The following LITAFD variants were observed in gnomAD, a reference collection of about 807,000 sequenced individuals.
The protein encoded by LITAFD is LITAF domain containing, also known as lITAF domain-containing protein.
intron 1 of LITAFD, among the ~76,000 whole-genome samples, chr16:8,882,967 C>T (rs1159992341): frequency 1.3e-5 from 2 of 152,192 alleles, no homozygotes; most frequent in Non-Finnish European, 2.9e-5. Context: ...TCCCGAGTAG[C>T]TGGGATTACA....
intron 1 of LITAFD, chr16:8,882,753 G>T (rs2061547181): frequency 6.6e-6 from 1 of 152,224 alleles, no homozygotes; most frequent in African/African-American, 2.4e-5. Context: ...GTGTTGCAAG[G>T]AAGTCGCCAA....
intron 1 of LITAFD, chr16:8,882,889 G>A (rs914939733): frequency 6.6e-6 from 1 of 152,244 alleles, no homozygotes; most frequent in Non-Finnish European, 1.5e-5. Context: ...TGGCCATGTT[G>A]GTGTGGAATT....
chr16:8,882,887 TTGG>T (rs2061547890), intron 1 of LITAFD: 1 of 152,216 alleles, frequency 6.6e-6, no homozygotes, highest in South Asian at 2.1e-4. Flanking sequence ...CCTGGCCATG[TTGG>T]TGTGGAATTG....
chr16:8,883,583 G>A (rs770405046), intron 2 of LITAFD, among the ~76,000 whole-genome samples: 23 of 151,932 alleles, frequency 1.5e-4, no homozygotes, highest in African/African-American at 1.7e-4. Flanking sequence ...GTAGACTCCC[G>A]TTCTCTACTC....
At chr16:8,883,216 A>T (rs2061549678) in exon 2 of LITAFD, 1 of 152,188 alleles carries the variant, frequency 6.6e-6, no homozygotes. Context: ...AAAGATCCTT[A>T]TCCTGCTGGT....
Position 8,883,921 on chromosome 16 carries a change from C to T in LITAFD, c.-33-402C>T, listed in dbSNP as rs145195920. 4.7e-4 allele frequency among the ~76,000 whole-genome samples: 71 copies of T among 152,222 alleles called. No individual in the cohort carries two copies. The Middle Eastern group carries it at 0.01, about 22-fold the overall frequency. On this transcript the variant is annotated intron_variant, in intron 2 of 3. Transcript: ENST00000636296. ...CTCTACTAAAAATACAAAAATAAGCCGGGTGTGATGGCACATGTCTATAGT... is the reference window on the plus strand; with the variant it reads ...CTCTACTAAAAATACAAAAATAAGCTGGGTGTGATGGCACATGTCTATAGT...
chr16:8,882,731 C>T (rs17415063), intron 1 of LITAFD: 58,351 of 152,132 alleles, frequency 0.38, 11,458 homozygotes, highest in Middle Eastern at 0.52. Context: ...ACGTGCTGTA[C>T]TCTCCCTTAA....
intron 3 of LITAFD, 171 bp from the exon 4 acceptor site, chr16:8,885,016 T>C (rs1206619256): frequency 2.5e-6 from 1 of 398,828 alleles, no homozygotes. Context: ...GAGGTTGCAG[T>C]GAGCCAAGAT....
chr16:8,885,189 A>G (rs40398), exon 4 of LITAFD: 396,418 of 399,282 alleles, frequency 0.99, 196,849 homozygotes, highest in Middle Eastern at 1. Context: ...GGCTGCAGGT[A>G]CGTCCTGGGC....
intron 2 of LITAFD, 129 bp from the exon 3 acceptor site, chr16:8,884,194 A>C: frequency 2.5e-6 from 1 of 396,542 alleles, no homozygotes. Flanking sequence ...CCCACATATC[A>C]GGTCCCCAGT....
At chr16:8,885,195 T>C (rs919179693) in exon 4 of LITAFD, 26 of 399,294 alleles carry the variant, frequency 6.5e-5, no homozygotes, top group African/African-American at 4.9e-4. Context: ...AGGTACGTCC[T>C]GGGCTGCTGC....
exon 3 of LITAFD, chr16:8,884,413 T>A (rs535591434): frequency 4.5e-5 from 18 of 399,280 alleles, no homozygotes; most frequent in Non-Finnish European, 7.5e-5. Flanking sequence ...GGTGACGACC[T>A]TTGTCCCGGG....
chr16:8,884,371 G>C lies in LITAFD; in HGVS notation c.16G>C (p.Val6Leu), dbSNP rs920203035. 7 of 399,194 alleles carry C rather than the reference G, an allele frequency of 1.8e-5. No individual in the cohort carries two copies. The East Asian group carries it at 2.5e-4, about 14-fold the overall frequency. 24.7% of individuals were successfully genotyped at this position (399,194 alleles called of 1,614,324 possible). The change falls in exon 3 of 4, where the codon GTG (valine) becomes CTG (leucine). Residue 6 changes from valine to leucine, a missense_variant. Coordinates refer to ENST00000636296, the Ensembl canonical transcript of LITAFD. ...GGGGACGTCCATGCCGGTGCAGGCCGTGTGTCCCTACTGTGGAAACCGCAT... is the reference window on the plus strand; with the variant it reads ...GGGGACGTCCATGCCGGTGCAGGCCCTGTGTCCCTACTGTGGAAACCGCAT...
rs142451691 is a variant in LITAFD at position 8,884,360 on chromosome 16, C to T, written c.5C>T (p.Pro2Leu). The change falls in exon 3 of 4, where the codon CCG becomes CTG. Residue 2 changes from proline to leucine, a missense_variant. Pro to Leu is a moderately conservative substitution (Grantham distance 98, BLOSUM62 -3). Transcript: ENST00000636296. Reference sequence around the variant, plus strand: ...ATGTCCGTGGTGGGGACGTCCATGCCGGTGCAGGCCGTGTGTCCCTACTGT... The same window carrying T: ...ATGTCCGTGGTGGGGACGTCCATGCTGGTGCAGGCCGTGTGTCCCTACTGT... 138 of 399,190 alleles carry T rather than the reference C, an allele frequency of 3.5e-4. 2 individuals are homozygous for T. The highest frequency in any genetic ancestry group is 2.5e-3 in the African/African-American group (122 of 48,754). 24.7% of individuals were successfully genotyped at this position (399,190 alleles called of 1,614,324 possible). A position where few individuals can be genotyped will look rare whatever the true frequency, so the allele number is the denominator to read the frequency against.
chr16:8,883,729 T>C (rs896680449), intron 2 of LITAFD, among the ~76,000 whole-genome samples: 1 of 152,146 alleles, frequency 6.6e-6, no homozygotes. Context: ...CTGGGTTGGA[T>C]AGATTCCTGG....
intron 2 of LITAFD, 85 bp from the exon 3 acceptor site, chr16:8,884,238 G>C: frequency 2.5e-6 from 1 of 397,320 alleles, no homozygotes; most frequent in Non-Finnish European, 4.4e-6. Flanking sequence ...TCTCAGGTGA[G>C]CACCGACAGC....
intron 1 of LITAFD, chr16:8,882,786 A>T (rs2061547321): frequency 6.6e-6 from 1 of 152,270 alleles, no homozygotes; most frequent in African/African-American, 2.4e-5. Flanking sequence ...ACTCCCCCAC[A>T]TCAGGTATGA....
At position 8,883,952 on chromosome 16, in the gene LITAFD, C is replaced by A. The variant is rs2061553256; in HGVS notation, c.-33-371C>A. On this transcript the variant is annotated intron_variant, in intron 2 of 3. Coordinates refer to ENST00000636296, the Ensembl canonical transcript of LITAFD. ...TGATGGCACATGTCTATAGTCCCAGCTACTCAGGAGGCTGAGGCAGGAGAA... is the reference window on the plus strand; with the variant it reads ...TGATGGCACATGTCTATAGTCCCAGATACTCAGGAGGCTGAGGCAGGAGAA... Among the ~76,000 whole-genome samples the A allele has an allele frequency of 3.3e-5, 5 of 152,320 alleles. No individual in the cohort carries two copies. In the South Asian group the frequency reaches 1.0e-3, roughly 32 times the overall value.
In LITAFD at chr16:8,883,636, G is replaced by A. The variant is rs146285532; in HGVS notation, c.-34+350G>A. Reference sequence around the variant, plus strand: ...TCAGGCCACAGAGGAGGGGAAGGCCGAGCCCCCCAGGTGGGGCCTGGGTTT... The same window carrying A: ...TCAGGCCACAGAGGAGGGGAAGGCCAAGCCCCCCAGGTGGGGCCTGGGTTT... On this transcript the variant is annotated intron_variant, in intron 2 of 3. Transcript: ENST00000636296. Among the ~76,000 whole-genome samples, 641 of 152,292 alleles carry A rather than the reference G, an allele frequency of 4.2e-3. 4 individuals are homozygous for A. The highest frequency in any genetic ancestry group is 0.015 in the African/African-American group (605 of 41,548).
Sources: allele counts gnomAD v4.1 joint callset (sites outside exome capture counted in the v4.1 genomes callset), GRCh38; gene constraint gnomAD v4.1.1; transcripts MANE v1.5; gene names NCBI Gene and HGNC (gene_info 2026-07-23, HGNC 2026-07-21).